The following HMCN2 variants were observed in gnomAD, a reference collection of about 807,000 sequenced individuals.
HMCN2 encodes hemicentin-2.
In HMCN2, 325 loss-of-function variants were observed where a neutral mutation model predicts 377.5. That is an observed-to-expected ratio of 0.86 (90% CI 0.79 to 0.94). The LOEUF is 0.94. Among genes scored for constraint, HMCN2 ranks in the 40% least tolerant of loss-of-function variants. The pLI, the probability that HMCN2 is intolerant of heterozygous loss-of-function variation, is 0.00. For synonymous variants in HMCN2, 2,007 were observed against 2,046.8 expected, an observed-to-expected ratio of 0.98 and a Z score of 0.53; for missense variants, 4,543 against 4,725.3, an observed-to-expected ratio of 0.96 and a Z score of 1.13.
intron 14 of HMCN2, 90 bp downstream of exon 14, chr9:130,307,656 G>C (rs1221218409): frequency 2.2e-6 from 1 of 462,030 alleles, no homozygotes; most frequent in African/African-American, 2.0e-5. Flanking sequence ...GTGGAGTCTG[G>C]GGAGAGCTGG....
In HMCN2 at chr9:130,350,734, A is replaced by AAATAT. The variant is rs767172633; in HGVS notation, c.4431-688_4431-687insATATA. On this transcript the variant is annotated intron_variant, in intron 29 of 97. Transcript: ENST00000683500. ...ACCTCGTCTCTACTAAAAATACAAA[A>AAATAT]ATATATATATATATATACGGGCATG... Among the ~76,000 whole-genome samples, 548 of 148,504 alleles carry AAATAT rather than the reference A, an allele frequency of 3.7e-3. 2 individuals are homozygous for AAATAT. Among genetic ancestry groups the AAATAT allele is most frequent in the African/African-American group, 0.012 (505 of 40,544 alleles).
At position 130,304,774 on chromosome 9, in the gene HMCN2, C is replaced by G; in HGVS notation, c.1588C>G (p.Pro530Ala). The G allele has an allele frequency of 2.1e-6, 1 of 471,246 alleles. No individual in the cohort carries two copies. Among genetic ancestry groups the G allele is most frequent in the South Asian group, 1.5e-5 (1 of 64,554 alleles). 29.2% of individuals were successfully genotyped at this position (471,246 alleles called of 1,614,324 possible). The change falls in exon 11 of 98, where the codon CCA becomes GCA. Residue 530 changes from proline (P) to alanine (A), a missense_variant. Around this residue, in one of 5 missense-constraint regions of HMCN2, gnomAD observed 547 missense variants for 189.9 expected, o/e 2.88. Coordinates refer to ENST00000683500, the MANE Select transcript of HMCN2 (RefSeq NM_001291815.2). The surrounding 1 kb of genome is among the most constrained non-coding windows in gnomAD (Gnocchi z 4.3). ...LVPAPNVTVS[P>A]GETAVLSCRV... ...CCCTGCTCCCAACGTGACCGTGTCC[C>G]CAGGGGAGACTGCCGTCCTATCCTG...
At position 130,425,012 on chromosome 9, in the gene HMCN2, A is replaced by G; in HGVS notation, c.13523A>G (p.Glu4508Gly). The change falls in exon 89 of 98, where the codon GAG becomes GGG. Residue 4508 changes from glutamate (E) to glycine (G), a missense_variant. Glu to Gly is a moderately conservative substitution (Grantham distance 98, BLOSUM62 -2). Transcript: ENST00000683500. ...QESHVEFATG[E>G]LLTMTQVARG... The stretch of plus-strand genomic sequence containing the variant: ...GCTGGGTGGGGATGGTTTGCAGGGG[A>G]GCTGCTCACGATGACCCAGGTGGCC... 1 of 1,544,548 alleles carries G rather than the reference A, an allele frequency of 6.5e-7. No individual in the cohort carries two copies.
chr9:130,279,159 A>G (rs978498835), intron 1 of HMCN2, among the ~76,000 whole-genome samples: 6 of 151,996 alleles, frequency 3.9e-5, no homozygotes, highest in African/African-American at 1.5e-4. Context: ...TCGGCCTCCC[A>G]AAGTGCTGGG....
At chr9:130,353,428 A>G (rs552533708) in intron 31 of HMCN2, among the ~76,000 whole-genome samples, 2 of 152,336 alleles carry the variant, frequency 1.3e-5, no homozygotes, top group African/African-American at 4.8e-5. Context: ...GGGCCTGTCT[A>G]GGAGGCCATG....
chr9:130,383,220 C>T (rs930337045), intron 56 of HMCN2, among the ~76,000 whole-genome samples: 5 of 150,828 alleles, frequency 3.3e-5, no homozygotes, highest in African/African-American at 7.4e-5. Context: ...CACAGAGCTG[C>T]GGGGACCCTG....
Position 130,303,459 on chromosome 9 carries a change from T to A in HMCN2, c.1422-28T>A. ...CCCTGAGTGGGGGTCAGTGTGATTG[T>A]GTGTCTCCCACTGTTCCCTGTTTGC... On this transcript the variant is annotated intron_variant, in intron 9 of 97. Transcript: ENST00000683500. The surrounding 1 kb of genome is among the most constrained non-coding windows in gnomAD (Gnocchi z 5.2). The A allele has an allele frequency of 2.3e-6, 1 of 432,746 alleles. No homozygotes were observed. Among genetic ancestry groups the A allele is most frequent in the Non-Finnish European group, 4.9e-6 (1 of 205,230 alleles). The allele number at this position is 432,746 out of a possible 1,614,324, so 26.8% of individuals were successfully genotyped here.
chr9:130,414,156 T>G lies in HMCN2; in HGVS notation c.12961+3504T>G, dbSNP rs1166322614. Among the ~76,000 whole-genome samples, 1 of 152,188 alleles carries G rather than the reference T, an allele frequency of 6.6e-6. No individual in the cohort carries two copies. The highest frequency in any genetic ancestry group is 1.5e-5 in the Non-Finnish European group (1 of 68,026). ...TACCGAGGCACTGCTCTCCCCACACTGGAGCAGGATGCTGTCAGGTGACAC... is the reference window on the plus strand; with the variant it reads ...TACCGAGGCACTGCTCTCCCCACACGGGAGCAGGATGCTGTCAGGTGACAC... On this transcript the variant is annotated intron_variant, in intron 85 of 97. Transcript: ENST00000683500. This position sits in a 1 kb window ranked among gnomAD's most constrained non-coding sequence, Gnocchi z 4.4.
In HMCN2 at chr9:130,377,755, A is replaced by G. The variant is rs1841472178; in HGVS notation, c.8168A>G (p.Asn2723Ser). 1.1e-5 allele frequency: 11 copies of G among 985,888 alleles called. No individual in the cohort carries two copies. Among genetic ancestry groups the G allele is most frequent in the African/African-American group, 1.7e-5 (1 of 57,362 alleles). The allele number at this position is 985,888 out of a possible 1,614,324, so 61.1% of individuals were successfully genotyped here. The part of the protein sequence containing the change: ...DSGRYLCVAT[N>S]VAGEDDQDFN... The stretch of plus-strand genomic sequence containing the variant: ...GGGCGGTACCTGTGTGTGGCCACCA[A>G]TGTGGCTGGCGAGGACGACCAGGAC... Residue 2723 changes from asparagine (N) to serine (S), a missense_variant, in exon 53 of 98, where the codon AAT (asparagine) becomes AGT (serine). Coordinates refer to ENST00000683500, the MANE Select transcript of HMCN2 (RefSeq NM_001291815.2).
chr9:130,333,639 G>A (rs998529655), intron 22 of HMCN2, among the ~76,000 whole-genome samples: 8 of 152,302 alleles, frequency 5.3e-5, no homozygotes, highest in South Asian at 2.1e-4. Context: ...CCTGTTCCTC[G>A]GAGACTCTGT....
Position 130,309,944 on chromosome 9 carries a change from T to C in HMCN2, c.2233T>C (p.Ser745Pro). ...GLEMILAPEG[S>P]SSGKLRIPAA... ...TGAAATGATCCTGGCCCCTGAGGGC[T>C]CCAGCTCTGGGAAGCTGCGGATCCC... The change falls in exon 15 of 98, where the codon TCC becomes CCC. Residue 745 changes from serine (S) to proline (P), a missense_variant. Physicochemically the swap from Ser to Pro is moderately conservative, Grantham distance 74. This residue lies in a region of HMCN2 where 547 missense variants were observed against 189.9 expected (regional missense o/e 2.88). Coordinates refer to ENST00000683500, the MANE Select transcript of HMCN2 (RefSeq NM_001291815.2). 1.9e-6 allele frequency: 1 copy of C among 524,494 alleles called. No individual in the cohort carries two copies. Among genetic ancestry groups the C allele is most frequent in the Non-Finnish European group, 3.9e-6 (1 of 255,364 alleles). The allele number at this position is 524,494 out of a possible 1,614,324, so 32.5% of individuals were successfully genotyped here.
rs77571858 is a variant in HMCN2 at position 130,408,942 on chromosome 9, G to T, written c.12879+9G>T. The T allele has an allele frequency of 2.9e-3, 3,718 of 1,286,634 alleles. 97 individuals carry two copies. In the African/African-American group the frequency reaches 0.051, roughly 18 times the overall value. The allele number at this position is 1,286,634 out of a possible 1,614,324, so 79.7% of individuals were successfully genotyped here. A position where few individuals can be genotyped will look rare whatever the true frequency, so the allele number is the denominator to read the frequency against. On this transcript the variant is annotated intron_variant, in intron 84 of 97. Transcript: ENST00000683500. Reference sequence around the variant, plus strand: ...CCATCCGCAGGACTGAGGCAAGGCGGGGCCTGGCACCTTGGGTGGGGCCAC... The same window carrying T: ...CCATCCGCAGGACTGAGGCAAGGCGTGGCCTGGCACCTTGGGTGGGGCCAC...
rs1564770448 is a variant in HMCN2, at chr9:130,307,554, A to G, written c.2188A>G (p.Ile730Val). 1 of 471,086 alleles carries G rather than the reference A, an allele frequency of 2.1e-6. No homozygotes were observed. The allele number at this position is 471,086 out of a possible 1,614,324, so 29.2% of individuals were successfully genotyped here. ...EASGVPPPRVIWYRGGLEMIL... is the reference protein window; with the variant it reads ...EASGVPPPRVVWYRGGLEMIL... ...ATCTGGGGTTCCCCCGCCCCGAGTCATCTGGTATCGAGGTGTGTTGGTGGG... is the reference window on the plus strand; with the variant it reads ...ATCTGGGGTTCCCCCGCCCCGAGTCGTCTGGTATCGAGGTGTGTTGGTGGG... Residue 730 changes from isoleucine to valine, a missense_variant, in exon 14 of 98, where the codon ATC becomes GTC. Around this residue, in one of 5 missense-constraint regions of HMCN2, gnomAD observed 547 missense variants for 189.9 expected, o/e 2.88. Transcript: ENST00000683500.
In HMCN2 at chr9:130,428,001, T is replaced by C. The variant is rs924919112; in HGVS notation, c.14066-357T>C. ...CAGCAATGTTGCTGGATGACAAATC[T>C]GACCTCAGGTGATGGTGCTGACGCT... On this transcript the variant is annotated intron_variant, in intron 92 of 97. Transcript: ENST00000683500. This position sits in a 1 kb window ranked among gnomAD's most constrained non-coding sequence, Gnocchi z 5.0. Among the ~76,000 whole-genome samples, 4 of 152,216 alleles carry C rather than the reference T, an allele frequency of 2.6e-5. No homozygotes were observed. The highest frequency in any genetic ancestry group is 5.9e-5 in the Non-Finnish European group (4 of 68,050).
chr9:130,430,880 T>C (rs536031974), intron 95 of HMCN2: 110 of 501,590 alleles, frequency 2.2e-4, no homozygotes, highest in African/African-American at 1.9e-3. Context: ...AGGCAAGTGG[T>C]CCTGGGAACC....
At chr9:130,409,356 C>T (rs975849627) in intron 84 of HMCN2, among the ~76,000 whole-genome samples, 2 of 152,194 alleles carry the variant, frequency 1.3e-5, no homozygotes, top group African/African-American at 4.8e-5. Context: ...GGAGGCAGCG[C>T]CCCCACCCCC....
chr9:130,433,450 C>G lies in HMCN2; in HGVS notation c.14997C>G (p.Asp4999Glu). 1 of 1,498,324 alleles carries G rather than the reference C, an allele frequency of 6.7e-7. No homozygotes were observed. The highest frequency in any genetic ancestry group is 8.8e-7 in the Non-Finnish European group (1 of 1,131,764). The allele number at this position is 1,498,324 out of a possible 1,614,324, so 92.8% of individuals were successfully genotyped here. ...CCCTGGGCGTGCGCGCCCACCACGA[C>G]GTGGCCCGCCTCACCGCCTTCTCCG... ...PLPLGVRAHH[D>E]VARLTAFSEV... The change falls in exon 98 of 98, where the codon GAC becomes GAG. Residue 4999 changes from aspartate to glutamate, a missense_variant. By Grantham distance (45) the Asp-to-Glu change is conservative. Around this residue, in one of 5 missense-constraint regions of HMCN2, gnomAD observed 1,155 missense variants for 1,157.7 expected, o/e 1.00. Transcript: ENST00000683500.
At position 130,352,928 on chromosome 9, in the gene HMCN2, G is replaced by GC. The variant is rs1485731989; in HGVS notation, c.4593dup (p.Thr1532HisfsTer24). ...CAGCCCCACCTCTTTCCTTCTCAGC[G>GC]CCCCCCACTATCTGGGGCTCCAACG... On this transcript the variant is annotated frameshift_variant and splice_region_variant, in exon 31 of 98. Transcript: ENST00000683500. LOFTEE classifies it high-confidence loss of function. 7.1e-6 allele frequency: 9 copies of GC among 1,272,062 alleles called. No homozygotes were observed. In the East Asian group the frequency reaches 2.3e-4, roughly 32 times the overall value. The allele number at this position is 1,272,062 out of a possible 1,614,324, so 78.8% of individuals were successfully genotyped here. A position where few individuals can be genotyped will look rare whatever the true frequency, so the allele number is the denominator to read the frequency against.
intron 84 of HMCN2, 97 bp from the exon 85 acceptor site, chr9:130,410,474 C>T: frequency 8.9e-7 from 1 of 1,118,312 alleles, no homozygotes; most frequent in South Asian, 1.4e-5. Flanking sequence ...AGCCTAAGCC[C>T]CTTGCTGGCT....
Sources: gnomAD v4.1 joint callset for allele counts (sites outside exome capture counted in the v4.1 genomes callset) on GRCh38, gnomAD v4.1.1 for gene constraint, gnomAD v4.1.1 regional missense constraint, Gnocchi (gnomAD v3.1) non-coding constraint, MANE v1.5 for transcripts, NCBI Gene and HGNC (gene_info 2026-07-23, HGNC 2026-07-21) for gene names.